Variants in ANO10 observed in about 807,000 individuals in gnomAD.
ANO10 encodes the protein anoctamin 10.
Under a neutral mutation model 74.7 loss-of-function variants are expected in ANO10, and 77 were observed. That is an observed-to-expected ratio of 1.03 (90% CI 0.86 to 1.25). The LOEUF is 1.25. Ranked by LOEUF, ANO10 falls within the 50% of genes most tolerant of loss-of-function variation. The probability of loss-of-function intolerance (pLI) is 0.00; values close to 1 mark genes in which losing one functional copy is unlikely to be tolerated. For synonymous variants in ANO10, 279 were observed against 284.9 expected, an observed-to-expected ratio of 0.98 and a Z score of 0.21; for missense variants, 721 against 778.1, an observed-to-expected ratio of 0.93 and a Z score of 0.87.
intron 11 of ANO10, among the ~76,000 whole-genome samples, chr3:43,456,282 T>A (rs1490567597): frequency 6.6e-6 from 1 of 152,234 alleles, no homozygotes; most frequent in Non-Finnish European, 1.5e-5. Context: ...ACAAAATGTA[T>A]ATATTTTAAA....
intron 7 of ANO10, among the ~76,000 whole-genome samples, chr3:43,567,683 G>A (rs1426539754): frequency 6.6e-6 from 1 of 151,994 alleles, no homozygotes; most frequent in Non-Finnish European, 1.5e-5. Context: ...CCTGAAGGAA[G>A]CACTAAACAT....
intron 1 of ANO10, 113 bp from the exon 2 acceptor site, chr3:43,605,976 G>A: frequency 8.2e-7 from 1 of 1,215,770 alleles, no homozygotes; most frequent in Non-Finnish European, 1.2e-6. Flanking sequence ...CAAGATAAAA[G>A]CAAATTTCTC....
chr3:43,486,050 CTTG>C (rs974448191), intron 11 of ANO10, among the ~76,000 whole-genome samples: 2 of 152,228 alleles, frequency 1.3e-5, no homozygotes, highest in African/African-American at 4.8e-5. Context: ...AAAGCTGTCT[CTTG>C]TTGGGCAAAT....
intron 11 of ANO10, among the ~76,000 whole-genome samples, chr3:43,508,056 C>A (rs1174643844): frequency 6.6e-6 from 1 of 151,550 alleles, no homozygotes; most frequent in East Asian, 1.9e-4. Flanking sequence ...GTTTATGTTG[C>A]TGAAGAGGGA....
intron 11 of ANO10, among the ~76,000 whole-genome samples, chr3:43,465,800 G>A (rs1171835242): frequency 6.6e-6 from 1 of 152,126 alleles, no homozygotes; most frequent in Non-Finnish European, 1.5e-5. Context: ...TACAAATTCT[G>A]TCAAATAAAT....
intron 11 of ANO10, among the ~76,000 whole-genome samples, chr3:43,451,712 T>A (rs1044860579): frequency 2.6e-5 from 4 of 152,164 alleles, no homozygotes; most frequent in Non-Finnish European, 5.9e-5. Context: ...GGAGTCCAAA[T>A]ACGCTTAGAT....
chr3:43,625,474 A>G (rs2083483122), upstream of ANO10, among the ~76,000 whole-genome samples: 1 of 152,198 alleles, frequency 6.6e-6, no homozygotes, highest in Admixed American at 6.5e-5. Context: ...TTTACATTTT[A>G]TCTAGAGGTT....
intron 11 of ANO10, among the ~76,000 whole-genome samples, chr3:43,528,405 A>G (rs1338527959): frequency 1.3e-5 from 2 of 152,102 alleles, no homozygotes; most frequent in Non-Finnish European, 2.9e-5. Context: ...ATTTAAGAAC[A>G]TGAAAAAAAA....
chr3:43,371,603 G>T (rs549212956), intron 12 of ANO10, among the ~76,000 whole-genome samples: 1 of 152,316 alleles, frequency 6.6e-6, no homozygotes, highest in African/African-American at 2.4e-5. Context: ...CTGAGAAGGG[G>T]AATGGCGGGG....
chr3:43,389,892 G>C (rs1272476448), intron 12 of ANO10, among the ~76,000 whole-genome samples: 1 of 152,166 alleles, frequency 6.6e-6, no homozygotes, highest in Non-Finnish European at 1.5e-5. Flanking sequence ...AGGAAAGCAC[G>C]TACTAGACGG....
At chr3:43,618,684 A>T (rs1156616023) in intron 1 of ANO10, among the ~76,000 whole-genome samples, 1 of 152,238 alleles carries the variant, frequency 6.6e-6, no homozygotes, top group Non-Finnish European at 1.5e-5. Context: ...GCCAATTCAT[A>T]GACTAATAAA....
At chr3:43,425,244 T>C (rs1391465471) in intron 12 of ANO10, among the ~76,000 whole-genome samples, 1 of 149,506 alleles carries the variant, frequency 6.7e-6, no homozygotes, top group African/African-American at 2.5e-5. Flanking sequence ...GGTCTTGCCA[T>C]GTTGCCCAGG....
At position 43,647,153 on chromosome 3, in the gene ANO10, A is replaced by G. The variant is rs975351122; in HGVS notation, c.-11-41290T>C. Among the ~76,000 whole-genome samples, 302 of 141,892 alleles carry G rather than the reference A, an allele frequency of 2.1e-3. 1 individual carries two copies. The highest frequency in any genetic ancestry group is 6.3e-3 in the African/African-American group (242 of 38,174). The allele number at this position is 141,892 out of a possible 152,430, so 93.1% of individuals were successfully genotyped here. A position where few individuals can be genotyped will look rare whatever the true frequency, so the allele number is the denominator to read the frequency against. On this transcript the variant is annotated intron_variant, in intron 1 of 3. Coordinates refer to the ANO10 transcript ENST00000413397. ...CAGAACCAAAAAGATATGTGTATATATGTGTGTGTGTGTGTGTGTGTGTGT... is the reference window on the plus strand; with the variant it reads ...CAGAACCAAAAAGATATGTGTATATGTGTGTGTGTGTGTGTGTGTGTGTGT...
At chr3:43,626,454 A>G (rs902855028), upstream of ANO10, among the ~76,000 whole-genome samples, 8 of 151,370 alleles carry the variant, frequency 5.3e-5, no homozygotes, top group African/African-American at 1.9e-4. Flanking sequence ...ATGTGCCACC[A>G]CACCCGGCTA....
chr3:43,636,510 T>C (rs1477885032), intron 1 of ANO10: 1 of 152,268 alleles, frequency 6.6e-6, no homozygotes, highest in African/African-American at 2.4e-5. Context: ...ATATTTCACA[T>C]TCACAAGTTT....
chr3:43,480,411 G>A (rs968235204), intron 11 of ANO10, among the ~76,000 whole-genome samples: 1 of 152,188 alleles, frequency 6.6e-6, no homozygotes, highest in Non-Finnish European at 1.5e-5. Flanking sequence ...CAGACACCAG[G>A]GATAAAGAGA....
intron 7 of ANO10, among the ~76,000 whole-genome samples, chr3:43,568,020 C>T (rs1012002224): frequency 1.3e-4 from 20 of 151,562 alleles, no homozygotes; most frequent in African/African-American, 4.6e-4. Context: ...CAAAAAAAGG[C>T]AGGGGTTGCA....
intron 11 of ANO10, among the ~76,000 whole-genome samples, chr3:43,441,466 A>G (rs992583727): frequency 1.3e-5 from 2 of 151,998 alleles, no homozygotes; most frequent in Non-Finnish European, 1.5e-5. Flanking sequence ...AATCATGAAG[A>G]AAAAAAATCT....
At chr3:43,679,900 A>G (rs1392976209) in intron 1 of ANO10, among the ~76,000 whole-genome samples, 1 of 152,202 alleles carries the variant, frequency 6.6e-6, no homozygotes, top group Non-Finnish European at 1.5e-5. Flanking sequence ...GAAAACTAAC[A>G]AACAGAAAGC....
Sources: allele counts gnomAD v4.1 joint callset (sites outside exome capture counted in the v4.1 genomes callset), GRCh38; gene constraint gnomAD v4.1.1; transcripts MANE v1.5; gene names NCBI Gene and HGNC (gene_info 2026-07-23, HGNC 2026-07-21).